Variants in WDR12 observed in about 807,000 individuals in gnomAD.
The protein encoded by WDR12 is WD repeat domain 12, also known as ribosome biogenesis protein WDR12.
In WDR12, 42 loss-of-function variants were observed where a neutral mutation model predicts 64.3. The observed-to-expected ratio is 0.65, with a 90% CI of 0.51 to 0.84. WDR12 has a LOEUF of 0.84. WDR12 is among the 40% of genes least tolerant of loss of function. The probability of loss-of-function intolerance (pLI) is 0.00; values close to 1 mark genes in which losing one functional copy is unlikely to be tolerated. For synonymous variants in WDR12, 158 were observed against 173.3 expected, an observed-to-expected ratio of 0.91 and a Z score of 0.70; for missense variants, 469 against 494.6, an observed-to-expected ratio of 0.95 and a Z score of 0.49.
Position 202,896,168 on chromosome 2 carries a change from A to G in WDR12, c.506T>C (p.Leu169Ser). 6.2e-7 allele frequency: 1 copy of G among 1,614,086 alleles called. No homozygotes were observed. Among genetic ancestry groups the G allele is most frequent in the Non-Finnish European group, 8.5e-7 (1 of 1,179,996 alleles). The change falls in exon 6 of 13, where the codon TTA becomes TCA. Residue 169 changes from leucine to serine, a missense_variant. Transcript: ENST00000261015. Reference protein sequence around the residue: ...LSASMDQTILLWEWNVERNKV... With the variant: ...LSASMDQTILSWEWNVERNKV... ...GTTTCTCTCTACATTCCACTCCCAT[A>G]AGAGAATAGTCTGATCCATAGAAGC...
intron 8 of WDR12, among the ~76,000 whole-genome samples, 185 bp from the exon 9 acceptor site, chr2:202,884,720 G>A (rs1688018191): frequency 6.6e-6 from 1 of 152,186 alleles, no homozygotes; most frequent in Non-Finnish European, 1.5e-5. Flanking sequence ...AGACACTGAG[G>A]CTGATAAAGA....
chr2:202,892,488 A>C, intron 8 of WDR12, 129 bp downstream of exon 8: 4 of 523,042 alleles, frequency 7.6e-6, no homozygotes, highest in Non-Finnish European at 1.3e-5. Context: ...TACTGAAAAA[A>C]AGGATAATCA....
chr2:202,882,725 A>G lies in WDR12; in HGVS notation c.1180T>C (p.Trp394Arg). 2 of 1,613,992 alleles carry G rather than the reference A, an allele frequency of 1.2e-6. No homozygotes were observed. Among genetic ancestry groups the G allele is most frequent in the Non-Finnish European group, 1.7e-6 (2 of 1,179,850 alleles). Residue 394 changes from tryptophan (W) to arginine (R), a missense_variant, in exon 12 of 13, where the codon TGG (tryptophan) becomes CGG (arginine). Trp to Arg is a moderately radical substitution (Grantham distance 101). Transcript: ENST00000261015. ...AHEDKVLSVD[W>R]TDTGLLLSGG... The stretch of plus-strand genomic sequence containing the variant: ...TAAATTCTTACCCCTGTGTCTGTCC[A>G]GTCTACACTCAGAACTTTGTCTTCA...
intron 2 of WDR12, among the ~76,000 whole-genome samples, chr2:202,901,776 T>C (rs1409320732): frequency 2.0e-5 from 3 of 152,218 alleles, no homozygotes; most frequent in South Asian, 2.1e-4. Context: ...TCCTTTAACA[T>C]GCTTCTTTAT....
intron 8 of WDR12, among the ~76,000 whole-genome samples, chr2:202,887,664 G>GGACA (rs1688071762): frequency 2.0e-5 from 3 of 151,748 alleles, no homozygotes; most frequent in Admixed American, 1.3e-4. Context: ...TGAGGCGGGT[G>GGACA]GATCATGAGG....
chr2:202,908,973 A>T (rs1216343606), intron 1 of WDR12, among the ~76,000 whole-genome samples: 2 of 152,238 alleles, frequency 1.3e-5, no homozygotes, highest in African/African-American at 4.8e-5. Flanking sequence ...AGGTAATGTT[A>T]ATCAAACACA....
chr2:202,885,296 G>A (rs908977093), intron 8 of WDR12, among the ~76,000 whole-genome samples: 2 of 152,178 alleles, frequency 1.3e-5, no homozygotes, highest in Non-Finnish European at 2.9e-5. Flanking sequence ...TAATAAACCC[G>A]TTTCATGTAA....
At chr2:202,902,824 C>T (rs548873611) in intron 2 of WDR12, among the ~76,000 whole-genome samples, 10 of 152,144 alleles carry the variant, frequency 6.6e-5, no homozygotes, top group Non-Finnish European at 1.0e-4. Context: ...CTCGGCTGTG[C>T]GCAGTGGCTC....
At position 202,909,974 on chromosome 2, in the gene WDR12, T is replaced by C. The variant is rs183975790; in HGVS notation, c.41+1462A>G. 2.6e-3 allele frequency among the ~76,000 whole-genome samples: 394 copies of C among 152,080 alleles called. 4 individuals carry two copies. Among genetic ancestry groups the C allele is most frequent in the African/African-American group, 9.2e-3 (380 of 41,474 alleles). On this transcript the variant is annotated intron_variant, in intron 1 of 12. Coordinates refer to ENST00000261015, the MANE Select transcript of WDR12 (RefSeq NM_018256.4). ...CCATGCCTGGCAAATTTTTTGTATT[T>C]TTGGTAGAGACGGGGTTTCATCATG...
At position 202,896,209 on chromosome 2, in the gene WDR12, G is replaced by T; in HGVS notation, c.465C>A (p.Ser155=). 4 of 1,613,072 alleles carry T rather than the reference G, an allele frequency of 2.5e-6. No homozygotes were observed. The highest frequency in any genetic ancestry group is 3.4e-6 in the Non-Finnish European group (4 of 1,179,732). ...CCATAGAAGCACTCAATAATAAGCA[G>T]GACAAACTATCTGGAGAAAGGAGAA... ...DVAWVKKDSL[S]CLLLSASMDQ... is the part of the protein sequence containing the mutation. The change falls in exon 6 of 13, where the codon TCC becomes TCA. Residue 155 remains serine (S), a synonymous_variant. Transcript: ENST00000261015.
At position 202,878,087 on chromosome 2, in the gene WDR12, A is replaced by G. The variant is rs968180421; in HGVS notation, c.*2773T>C. ...TGATCAGAGACAATACTTGTCCAAG[A>G]GACTTGGTCACTTACATTATATCTA... On this transcript the variant is annotated 3_prime_UTR_variant, in exon 13 of 13. Coordinates refer to ENST00000261015, the MANE Select transcript of WDR12 (RefSeq NM_018256.4). The G allele has an allele frequency of 1.4e-4, 22 of 152,312 alleles. No homozygotes were observed. Among genetic ancestry groups the G allele is most frequent in the African/African-American group, 4.8e-4 (20 of 41,532 alleles). The allele number at this position is 152,312 out of a possible 1,614,324, so 9.4% of individuals were successfully genotyped here.
chr2:202,903,230 T>G (rs1317089681), intron 2 of WDR12, among the ~76,000 whole-genome samples: 2 of 152,194 alleles, frequency 1.3e-5, no homozygotes, highest in South Asian at 4.1e-4. Context: ...AAAAAGCATT[T>G]GATAAAATTC....
intron 2 of WDR12, among the ~76,000 whole-genome samples, chr2:202,907,012 G>A (rs1195626047): frequency 2.7e-5 from 4 of 150,624 alleles, no homozygotes; most frequent in Non-Finnish European, 4.4e-5. Context: ...GCAATGGTGC[G>A]ATCTTGGCTC....
chr2:202,881,898 GA>G (rs200178351), intron 12 of WDR12, among the ~76,000 whole-genome samples: 1 of 150,316 alleles, frequency 6.7e-6, no homozygotes, highest in African/African-American at 2.4e-5. Flanking sequence ...ATACTCACAA[GA>G]AAAAAAAATG....
At position 202,880,549 on chromosome 2, in the gene WDR12, A is replaced by G. The variant is rs1385853999; in HGVS notation, c.*311T>C. The G allele has an allele frequency of 7.4e-6, 1 of 135,730 alleles. No homozygotes were observed. Among genetic ancestry groups the G allele is most frequent in the Non-Finnish European group, 1.7e-5 (1 of 58,854 alleles). 8.4% of individuals were successfully genotyped at this position (135,730 alleles called of 1,614,324 possible). On this transcript the variant is annotated 3_prime_UTR_variant, in exon 13 of 13. Coordinates refer to ENST00000261015, the MANE Select transcript of WDR12 (RefSeq NM_018256.4). Reference sequence around the variant, plus strand: ...GGCAACAGAGCAAGACTCCATCTCAAAAAAAAAAAAAACAAATAAAAATAA... The same window carrying G: ...GGCAACAGAGCAAGACTCCATCTCAGAAAAAAAAAAAACAAATAAAAATAA...
At chr2:202,896,325 A>G in intron 5 of WDR12, 106 bp from the exon 6 acceptor site, 2 of 1,279,394 alleles carry the variant, frequency 1.6e-6, no homozygotes, top group South Asian at 3.2e-5. Flanking sequence ...ATTGAAAAAG[A>G]TGTTAAAAAG....
chr2:202,884,814 A>G (rs1688019305), intron 8 of WDR12, among the ~76,000 whole-genome samples: 1 of 152,204 alleles, frequency 6.6e-6, no homozygotes, highest in Admixed American at 6.5e-5. Flanking sequence ...TTTCCACTAT[A>G]TTCTGCTGCT....
intron 7 of WDR12, among the ~76,000 whole-genome samples, chr2:202,893,025 G>C (rs937084091): frequency 6.6e-6 from 1 of 151,980 alleles, no homozygotes; most frequent in African/African-American, 2.4e-5. Context: ...TTAGTTGTAG[G>C]AGAGTTATGA....
At chr2:202,881,090 G>A (rs766200791) in intron 12 of WDR12, among the ~76,000 whole-genome samples, 153 bp from the exon 13 acceptor site, 2 of 152,156 alleles carry the variant, frequency 1.3e-5, no homozygotes, top group African/African-American at 2.4e-5. Flanking sequence ...AGGGACCAAC[G>A]TTGTTTCACT....
Sources: gnomAD v4.1 joint callset for allele counts (sites outside exome capture counted in the v4.1 genomes callset) on GRCh38, gnomAD v4.1.1 for gene constraint, MANE v1.5 for transcripts, NCBI Gene and HGNC (gene_info 2026-07-23, HGNC 2026-07-21) for gene names.